The following SLC6A9 variants were observed in gnomAD, a reference collection of about 807,000 sequenced individuals.
The protein encoded by SLC6A9 is sodium- and chloride-dependent glycine transporter 1.
A neutral mutation model predicts 70.9 loss-of-function variants in SLC6A9; 31 were observed. That is an observed-to-expected ratio of 0.44 (90% CI 0.33 to 0.59). SLC6A9 has a LOEUF of 0.59. Ranked by LOEUF, SLC6A9 falls within the 20% of genes least tolerant of loss-of-function variation. SLC6A9 has a pLI of 0.04. For missense variants in SLC6A9, 631 were observed against 845.2 expected, an observed-to-expected ratio of 0.75 and a Z score of 3.14; for synonymous variants, 310 against 341.3, an observed-to-expected ratio of 0.91 and a Z score of 1.01.
In SLC6A9 at chr1:44,002,687, C is replaced by T; in HGVS notation, c.724-41G>A. 6.2e-7 allele frequency: 1 copy of T among 1,611,862 alleles called. No homozygotes were observed. On this transcript the variant is annotated intron_variant, in intron 6 of 13. Transcript: ENST00000372310. The surrounding 1 kb of genome is among the most constrained non-coding windows in gnomAD (Gnocchi z 5.5). ...TCCATGGACTCTTCTGGGCTCTCCC[C>T]TCCCCTGGGCACCACCACCCTGGCT...
At chr1:44,015,838 G>C (rs1375900616) in intron 2 of SLC6A9, 2 of 985,030 alleles carry the variant, frequency 2.0e-6, no homozygotes, top group Non-Finnish European at 2.4e-6. Flanking sequence ...TCTGGGGCCG[G>C]GGTGGAGGGG....
At chr1:44,023,985 T>C (rs557075727) in intron 2 of SLC6A9, among the ~76,000 whole-genome samples, 1 of 152,364 alleles carries the variant, frequency 6.6e-6, no homozygotes, top group East Asian at 1.9e-4. Flanking sequence ...ATGAGTGGCC[T>C]CCTTCTGTCT....
Position 44,002,011 on chromosome 1 carries a change from C to T in SLC6A9, c.962+302G>A, listed in dbSNP as rs536945408. Among the ~76,000 whole-genome samples, 7 of 152,244 alleles carry T rather than the reference C, an allele frequency of 4.6e-5. 1 individual carries two copies. The South Asian group carries it at 8.3e-4, about 18-fold the overall frequency. On this transcript the variant is annotated intron_variant, in intron 8 of 13. Coordinates refer to ENST00000372310, the MANE Select transcript of SLC6A9 (RefSeq NM_001024845.3). This position sits in a 1 kb window ranked among gnomAD's most constrained non-coding sequence, Gnocchi z 5.5. ...TTGGCCTCTCAAAGTGCTGGGATTA[C>T]GGCGTGAAGCACTGAGCCTGGCCCC... is the stretch of plus-strand genomic sequence containing the variant.
chr1:44,023,960 C>CT (rs1437418713), intron 2 of SLC6A9, among the ~76,000 whole-genome samples: 1 of 152,290 alleles, frequency 6.6e-6, no homozygotes, highest in Non-Finnish European at 1.5e-5. Context: ...CCCGCGTCCA[C>CT]TGTCCTCTCA....
chr1:44,021,538 G>A (rs1246420258), intron 2 of SLC6A9, among the ~76,000 whole-genome samples: 6 of 152,210 alleles, frequency 3.9e-5, no homozygotes, highest in Non-Finnish European at 8.8e-5. Context: ...CCAAACCTGG[G>A]TAAAGGGGGA....
Position 44,017,109 on chromosome 1 carries a change from C to T in SLC6A9, c.31-6227G>A, listed in dbSNP as rs763275792. 5.0e-6 allele frequency: 8 copies of T among 1,606,354 alleles called. No individual in the cohort carries two copies. The South Asian group carries it at 7.8e-5, about 16-fold the overall frequency. Reference sequence around the variant, plus strand: ...GCGGCCATCCTGGGGCGAGCGATCGCAGCCCGCGTGTCTCCGCCGCTCATT... The same window carrying T: ...GCGGCCATCCTGGGGCGAGCGATCGTAGCCCGCGTGTCTCCGCCGCTCATT... On this transcript the variant is annotated intron_variant, in intron 2 of 13. Transcript: ENST00000372310.
chr1:44,015,735 T>G, intron 2 of SLC6A9: 1 of 491,828 alleles, frequency 2.0e-6, no homozygotes, highest in Non-Finnish European at 2.6e-6. Context: ...AATGACAGAA[T>G]CTTCTGTCCT....
chr1:44,001,365 C>G, intron 9 of SLC6A9, 25 bp downstream of exon 9: 1 of 1,613,042 alleles, frequency 6.2e-7, no homozygotes, highest in Non-Finnish European at 8.5e-7. Context: ...CCCCAAGCCT[C>G]CGGTCCACGT....
rs368819887 is a variant in SLC6A9 at position 44,002,277 on chromosome 1, G to C, written c.962+36C>G. ...TGAGATCAGGCTGCAGAGAGTGCAG[G>C]AAGGGGGCAGCCTCAGCCCAGCAGG... On this transcript the variant is annotated intron_variant, in intron 8 of 13. Transcript: ENST00000372310. This position sits in a 1 kb window ranked among gnomAD's most constrained non-coding sequence, Gnocchi z 5.5. The C allele has an allele frequency of 1.1e-5, 16 of 1,464,432 alleles. No individual in the cohort carries two copies. Among genetic ancestry groups the C allele is most frequent in the Non-Finnish European group, 1.4e-5 (15 of 1,043,568 alleles). The allele number at this position is 1,464,432 out of a possible 1,614,324, so 90.7% of individuals were successfully genotyped here.
Position 44,000,946 on chromosome 1 carries a change from G to C in SLC6A9, c.1435+10C>G, listed in dbSNP as rs201803106. 1 of 1,602,926 alleles carries C rather than the reference G, an allele frequency of 6.2e-7. No homozygotes were observed. Among genetic ancestry groups the C allele is most frequent in the Non-Finnish European group, 8.5e-7 (1 of 1,173,404 alleles). The stretch of plus-strand genomic sequence containing the variant: ...CCGGGTCGCGGGAGGCCGGAGGCTC[G>C]AGTGCTCACCGTAGATGTACATGAT... On this transcript the variant is annotated intron_variant, in intron 11 of 13. Coordinates refer to ENST00000372310, the MANE Select transcript of SLC6A9 (RefSeq NM_001024845.3).
intron 2 of SLC6A9, among the ~76,000 whole-genome samples, chr1:44,021,662 C>T (rs1037035105): frequency 3.9e-5 from 6 of 152,382 alleles, no homozygotes; most frequent in African/African-American, 1.2e-4. Context: ...GGCTCACACA[C>T]ACGCCCCTTA....
At chr1:44,030,136 C>A (rs912428655) in intron 1 of SLC6A9, among the ~76,000 whole-genome samples, 7 of 152,196 alleles carry the variant, frequency 4.6e-5, no homozygotes, top group African/African-American at 1.4e-4. Context: ...GGCGCGGAGG[C>A]CTCCGGCCGG....
At chr1:44,010,989 C>T in intron 2 of SLC6A9, 107 bp from the exon 3 acceptor site, 1 of 1,155,852 alleles carries the variant, frequency 8.7e-7, no homozygotes, top group East Asian at 2.4e-5. Flanking sequence ...ACACCCCTCC[C>T]CGGGCTTCCC....
In SLC6A9 at chr1:44,031,341, G is replaced by C. The variant is rs934359102; in HGVS notation, c.-121C>G. 4 of 152,064 alleles carry C rather than the reference G, an allele frequency of 2.6e-5. No homozygotes were observed. Among genetic ancestry groups the C allele is most frequent in the African/African-American group, 9.7e-5 (4 of 41,424 alleles). 9.4% of individuals were successfully genotyped at this position (152,064 alleles called of 1,614,324 possible). A position where few individuals can be genotyped will look rare whatever the true frequency, so the allele number is the denominator to read the frequency against. On this transcript the variant is annotated 5_prime_UTR_variant, in exon 1 of 14. Transcript: ENST00000372310. ...CCCCCGGCCCAGGCGTGCTGGGTCC[G>C]CACCGCGGTGCGCCCAGGTGGCTTT...
At chr1:44,011,311 A>G (rs1291593540) in intron 2 of SLC6A9, among the ~76,000 whole-genome samples, 3 of 151,794 alleles carry the variant, frequency 2.0e-5, no homozygotes, top group Non-Finnish European at 4.4e-5. Flanking sequence ...CAGCCCCCCC[A>G]CCCGTCGCCT....
intron 4 of SLC6A9, 51 bp downstream of exon 4, chr1:44,009,914 G>T: frequency 6.3e-7 from 1 of 1,594,948 alleles, no homozygotes; most frequent in Non-Finnish European, 8.6e-7. Context: ...GGCCCTCAGA[G>T]GCCGTTGTGT....
chr1:44,010,595 G>A (rs1039832503), intron 3 of SLC6A9, 131 bp downstream of exon 3: 3 of 861,188 alleles, frequency 3.5e-6, no homozygotes, highest in Non-Finnish European at 5.4e-6. Context: ...GCCAGGGATG[G>A]GGGCGAAGGA....
At position 44,002,263 on chromosome 1, in the gene SLC6A9, T is replaced by A. The variant is rs757466109; in HGVS notation, c.962+50A>T. 7.5e-7 allele frequency: 1 copy of A among 1,324,828 alleles called. No individual in the cohort carries two copies. The highest frequency in any genetic ancestry group is 1.2e-5 in the South Asian group (1 of 85,270). The allele number at this position is 1,324,828 out of a possible 1,614,324, so 82.1% of individuals were successfully genotyped here. ...GGCTGCACTGGAGCTGAGATCAGGC[T>A]GCAGAGAGTGCAGGAAGGGGGCAGC... On this transcript the variant is annotated intron_variant, in intron 8 of 13. Transcript: ENST00000372310. This position sits in a 1 kb window ranked among gnomAD's most constrained non-coding sequence, Gnocchi z 5.5.
At chr1:44,024,073 C>T (rs1046704007) in intron 2 of SLC6A9, among the ~76,000 whole-genome samples, 175 bp downstream of exon 2, 1 of 152,180 alleles carries the variant, frequency 6.6e-6, no homozygotes, top group Non-Finnish European at 1.5e-5. Context: ...GGGCTTGGAG[C>T]CTGATGCTCT....
Sources: allele counts gnomAD v4.1 joint callset (sites outside exome capture counted in the v4.1 genomes callset), GRCh38; gene constraint gnomAD v4.1.1; non-coding constraint Gnocchi (gnomAD v3.1); transcripts MANE v1.5; gene names NCBI Gene and HGNC (gene_info 2026-07-23, HGNC 2026-07-21).